The following KLHL14 variants were observed in gnomAD, a reference collection of about 807,000 sequenced individuals.
The protein encoded by KLHL14 is kelch like family member 14.
In KLHL14, 22 loss-of-function variants were observed where a neutral mutation model predicts 64.3. The observed-to-expected ratio is 0.34, with a 90% CI of 0.24 to 0.49. The LOEUF (loss-of-function observed/expected upper bound fraction) is 0.49. Among genes scored for constraint, KLHL14 ranks in the 20% least tolerant of loss-of-function variants. The pLI is 0.99. For missense variants in KLHL14, 661 were observed against 789.0 expected (o/e 0.84, Z 1.94); for synonymous variants, 322 against 333.4 (o/e 0.97, Z 0.37).
chr18:32,725,482 G>A (rs1241666107), intron 3 of KLHL14, among the ~76,000 whole-genome samples: 1 of 152,194 alleles, frequency 6.6e-6, no homozygotes, highest in East Asian at 1.9e-4. Context: ...AAAGGCTGTT[G>A]TTGTCTCATT....
intron 3 of KLHL14, among the ~76,000 whole-genome samples, chr18:32,699,452 T>C (rs2049952763): frequency 6.6e-6 from 1 of 152,154 alleles, no homozygotes; most frequent in Non-Finnish European, 1.5e-5. Flanking sequence ...TTTCATTTAA[T>C]ACAACTAATC....
At position 32,701,422 on chromosome 18, in the gene KLHL14, A is replaced by G. The variant is rs527883066; in HGVS notation, c.1070-5870T>C. Among the ~76,000 whole-genome samples the G allele has an allele frequency of 1.7e-3, 259 of 152,302 alleles. 1 individual carries two copies. Among genetic ancestry groups the G allele is most frequent in the Non-Finnish European group, 2.8e-3 (193 of 68,018 alleles). ...TTACTTTAGTTGAAGCAGTTGGTGC[A>G]GAAGTGGGAATGAGTTGGTTGTGTC... is the stretch of plus-strand genomic sequence containing the variant. On this transcript the variant is annotated intron_variant, in intron 3 of 8. Coordinates refer to ENST00000359358, the MANE Select transcript of KLHL14 (RefSeq NM_020805.3).
chr18:32,677,037 C>G (rs1523580), intron 8 of KLHL14, 136 bp downstream of exon 8: 217,425 of 961,440 alleles, frequency 0.23, 25,017 homozygotes, highest in East Asian at 0.26. Context: ...ATTTTACTAT[C>G]TAAAGCAACT....
At chr18:32,686,460 G>C (rs2049879764) in intron 5 of KLHL14, among the ~76,000 whole-genome samples, 2 of 152,100 alleles carry the variant, frequency 1.3e-5, no homozygotes, top group African/African-American at 4.8e-5. Flanking sequence ...ACAGCTAGGA[G>C]AGACAAAATA....
chr18:32,733,718 G>A (rs1438053587), intron 3 of KLHL14: 1 of 162,118 alleles, frequency 6.2e-6, no homozygotes, highest in Non-Finnish European at 1.4e-5. Flanking sequence ...AGGAAAAGAA[G>A]GATCTCCCAC....
At position 32,673,588 on chromosome 18, in the gene KLHL14, T is replaced by C. The variant is rs928692208; in HGVS notation, c.*1069A>G. On this transcript the variant is annotated 3_prime_UTR_variant, in exon 9 of 9. Coordinates refer to ENST00000359358, the MANE Select transcript of KLHL14 (RefSeq NM_020805.3). ...GGGGGAATAACGATCGTAAGTCAAG[T>C]GTCTAGAGGCACCCGAAGGTGAGGA... 5 of 152,162 alleles carry C rather than the reference T, an allele frequency of 3.3e-5. No homozygotes were observed. The highest frequency in any genetic ancestry group is 9.6e-5 in the African/African-American group (4 of 41,452). The allele number at this position is 152,162 out of a possible 1,614,324, so 9.4% of individuals were successfully genotyped here.
At chr18:32,765,315 T>C (rs966775683) in intron 2 of KLHL14, among the ~76,000 whole-genome samples, 2 of 152,216 alleles carry the variant, frequency 1.3e-5, no homozygotes, top group Admixed American at 6.5e-5. Context: ...GAACCTCATG[T>C]TCATAAAAAT....
intron 3 of KLHL14, among the ~76,000 whole-genome samples, chr18:32,695,975 G>T (rs2049934990): frequency 6.6e-6 from 1 of 152,054 alleles, no homozygotes; most frequent in Non-Finnish European, 1.5e-5. Context: ...TGCCCAACGT[G>T]GTTTGCTGGC....
chr18:32,770,130 C>T lies in KLHL14; in HGVS notation c.462G>A (p.Val154=). The T allele has an allele frequency of 6.2e-7, 1 of 1,614,204 alleles. No individual in the cohort carries two copies. Among genetic ancestry groups the T allele is most frequent in the Non-Finnish European group, 8.5e-7 (1 of 1,180,040 alleles). Residue 154 remains valine, a synonymous_variant, in exon 2 of 9, where the codon GTG becomes GTA. Coordinates refer to ENST00000359358, the MANE Select transcript of KLHL14 (RefSeq NM_020805.3). This position sits in a 1 kb window ranked among gnomAD's most constrained non-coding sequence, Gnocchi z 6.7. The stretch of plus-strand genomic sequence containing the variant: ...TCTTGCTGACCGACAGCACCTCCTC[C>T]ACCGTGTCCAGGGACAGGGTCACGT... The part of the protein sequence containing the change: ...TANVTLSLDT[V]EEVLSVSKIL...
intron 2 of KLHL14, among the ~76,000 whole-genome samples, chr18:32,761,738 C>G (rs2050315365): frequency 6.6e-6 from 1 of 152,156 alleles, no homozygotes; most frequent in South Asian, 2.1e-4. Flanking sequence ...ATGTGGCTGT[C>G]TTGTTCAACT....
chr18:32,676,562 T>C (rs1250667411), intron 8 of KLHL14, among the ~76,000 whole-genome samples: 1 of 152,218 alleles, frequency 6.6e-6, no homozygotes, highest in South Asian at 2.1e-4. Flanking sequence ...AGGTAAATAC[T>C]GAAGCATTTA....
chr18:32,703,446 A>G (rs2049975913), intron 3 of KLHL14, among the ~76,000 whole-genome samples: 1 of 152,210 alleles, frequency 6.6e-6, no homozygotes, highest in Non-Finnish European at 1.5e-5. Context: ...TATGGCTTCT[A>G]GGATAGATGT....
intron 3 of KLHL14, among the ~76,000 whole-genome samples, chr18:32,711,070 C>T (rs559373787): frequency 1.4e-4 from 21 of 152,250 alleles, no homozygotes; most frequent in Non-Finnish European, 2.6e-4. Flanking sequence ...ATCTTGGTAA[C>T]ATTTATCACC....
intron 4 of KLHL14, among the ~76,000 whole-genome samples, chr18:32,688,817 G>T (rs963867315): frequency 6.6e-6 from 1 of 152,170 alleles, no homozygotes; most frequent in Non-Finnish European, 1.5e-5. Flanking sequence ...TGTATAAAGA[G>T]TAGACTATAG....
chr18:32,709,277 T>C (rs1442412015), intron 3 of KLHL14, among the ~76,000 whole-genome samples: 1 of 151,630 alleles, frequency 6.6e-6, no homozygotes, highest in African/African-American at 2.4e-5. Flanking sequence ...CTCTTCTCTC[T>C]GCCTCTGACA....
At chr18:32,750,177 T>C (rs1376505297) in intron 2 of KLHL14, among the ~76,000 whole-genome samples, 2 of 151,938 alleles carry the variant, frequency 1.3e-5, no homozygotes, top group African/African-American at 4.8e-5. Flanking sequence ...TACTGGTGAT[T>C]AGGGTTTCAA....
At chr18:32,739,156 AG>A (rs1461953656) in intron 3 of KLHL14, among the ~76,000 whole-genome samples, 2 of 152,178 alleles carry the variant, frequency 1.3e-5, no homozygotes, top group Non-Finnish European at 2.9e-5. Context: ...ACCCCAAACC[AG>A]GGGACTGTCT....
chr18:32,716,294 G>C (rs1201787904), intron 3 of KLHL14, among the ~76,000 whole-genome samples: 2 of 152,078 alleles, frequency 1.3e-5, no homozygotes, highest in Admixed American at 6.6e-5. Flanking sequence ...CAAAGCCAAA[G>C]GGCAGTGGTA....
intron 5 of KLHL14, among the ~76,000 whole-genome samples, chr18:32,682,297 T>C (rs1454097437): frequency 6.6e-6 from 1 of 152,204 alleles, no homozygotes; most frequent in Non-Finnish European, 1.5e-5. Context: ...TTTTCTAGAT[T>C]TTCTTGATAT....
Sources: gnomAD v4.1 joint callset for allele counts (sites outside exome capture counted in the v4.1 genomes callset) on GRCh38, gnomAD v4.1.1 for gene constraint, Gnocchi (gnomAD v3.1) non-coding constraint, MANE v1.5 for transcripts, NCBI Gene and HGNC (gene_info 2026-07-23, HGNC 2026-07-21) for gene names.